CSMD3: variants seen among roughly 807,000 people sequenced by gnomAD.
CSMD3 encodes CUB and sushi domain-containing protein 3.
A neutral mutation model predicts 435.2 loss-of-function variants in CSMD3; 177 were observed. That is an observed-to-expected ratio of 0.41 (90% CI 0.36 to 0.46). The LOEUF (loss-of-function observed/expected upper bound fraction) is 0.46. Ranked by LOEUF, CSMD3 falls within the 20% of genes least tolerant of loss-of-function variation. The pLI is 0.34. For missense variants in CSMD3, 4,265 were observed against 4,504.6 expected, an observed-to-expected ratio of 0.95 and a Z score of 1.52; for synonymous variants, 1,656 against 1,520.5, an observed-to-expected ratio of 1.09 and a Z score of -2.07.
intron 13 of CSMD3, among the ~76,000 whole-genome samples, chr8:112,722,370 G>A (rs2076877375): frequency 1.3e-5 from 2 of 152,086 alleles, no homozygotes; most frequent in African/African-American, 4.8e-5. Context: ...AGATAACATT[G>A]GTGATTGAAT....
chr8:112,620,925 A>T (rs1249182466), intron 22 of CSMD3, among the ~76,000 whole-genome samples: 2 of 152,186 alleles, frequency 1.3e-5, no homozygotes, highest in Non-Finnish European at 2.9e-5. Context: ...CAAATGTTAC[A>T]GAAAATGTAA....
At chr8:112,935,227 G>A (rs1167984784) in intron 9 of CSMD3, among the ~76,000 whole-genome samples, 1 of 151,918 alleles carries the variant, frequency 6.6e-6, no homozygotes, top group African/African-American at 2.4e-5. Context: ...AGTTTTTGCT[G>A]GCTTCTCTAT....
intron 21 of CSMD3, among the ~76,000 whole-genome samples, chr8:112,638,298 G>C (rs1425612801): frequency 6.7e-6 from 1 of 149,640 alleles, no homozygotes; most frequent in East Asian, 1.9e-4. Context: ...CATAAAACAA[G>C]GAAATCACTG....
chr8:113,399,108 C>T (rs867045630), intron 1 of CSMD3, among the ~76,000 whole-genome samples: 235 of 63,466 alleles, frequency 3.7e-3, no homozygotes, highest in Non-Finnish European at 5.1e-3. Context: ...TATATATATA[C>T]ACACACACAC....
At chr8:112,843,308 A>C (rs2080231756) in intron 11 of CSMD3, among the ~76,000 whole-genome samples, 1 of 151,864 alleles carries the variant, frequency 6.6e-6, no homozygotes, top group Non-Finnish European at 1.5e-5. Context: ...AGATGCTCAT[A>C]AAAGAGGCAG....
intron 65 of CSMD3, among the ~76,000 whole-genome samples, chr8:112,242,951 A>G (rs911646922): frequency 2.6e-5 from 4 of 152,240 alleles, no homozygotes; most frequent in African/African-American, 9.6e-5. Context: ...TTAGAAAATC[A>G]TAAGTAGAAA....
chr8:112,585,300 A>T (rs895448667), intron 23 of CSMD3, among the ~76,000 whole-genome samples: 1 of 151,624 alleles, frequency 6.6e-6, no homozygotes, highest in Non-Finnish European at 1.5e-5. Context: ...ATATTCTTGG[A>T]AAATTACAGA....
At chr8:112,811,949 G>A (rs1261379643) in intron 12 of CSMD3, among the ~76,000 whole-genome samples, 1 of 152,164 alleles carries the variant, frequency 6.6e-6, no homozygotes, top group East Asian at 1.9e-4. Context: ...AAAGGATGCT[G>A]TGGGCTACAG....
At chr8:112,348,625 G>A (rs567442431) in intron 40 of CSMD3, among the ~76,000 whole-genome samples, 5 of 152,124 alleles carry the variant, frequency 3.3e-5, no homozygotes, top group East Asian at 1.9e-4. Context: ...GGTCAGGTGC[G>A]GTGGTTCATG....
intron 1 of CSMD3, among the ~76,000 whole-genome samples, chr8:113,326,806 C>A (rs189760279): frequency 6.6e-6 from 1 of 151,974 alleles, no homozygotes; most frequent in East Asian, 1.9e-4. Flanking sequence ...AGTTTATAAC[C>A]CATTCCAAAT....
intron 22 of CSMD3, among the ~76,000 whole-genome samples, chr8:112,629,222 G>A (rs189971499): frequency 1.0e-3 from 143 of 142,800 alleles, no homozygotes; most frequent in African/African-American, 3.7e-3. Context: ...TTTTTTTAGA[G>A]ACAGCATCTT....
chr8:113,247,646 A>G (rs1235634002), intron 3 of CSMD3, among the ~76,000 whole-genome samples: 2 of 152,120 alleles, frequency 1.3e-5, no homozygotes, highest in African/African-American at 4.8e-5. Context: ...TGTAAGTACC[A>G]TTTATTCATA....
chr8:112,962,603 C>T (rs950653899), intron 7 of CSMD3, among the ~76,000 whole-genome samples: 1 of 151,824 alleles, frequency 6.6e-6, no homozygotes, highest in African/African-American at 2.4e-5. Context: ...TCCATCATCC[C>T]TGTGATTTCA....
chr8:112,679,410 C>G (rs2075838395), intron 16 of CSMD3, among the ~76,000 whole-genome samples: 1 of 152,072 alleles, frequency 6.6e-6, no homozygotes, highest in African/African-American at 2.4e-5. Flanking sequence ...TTCCACCTTG[C>G]TATTGGGTCC....
chr8:112,974,865 A>G lies in CSMD3; in HGVS notation c.1342+972T>C, dbSNP rs1192351941. On this transcript the variant is annotated intron_variant, in intron 7 of 70. Transcript: ENST00000297405. ...ACTTATACAGACCATTACTTAAATC[A>G]TGGTCTGTATAAACCATGCCTAATC... Among the ~76,000 whole-genome samples the G allele has an allele frequency of 2.0e-5, 3 of 151,834 alleles. No individual in the cohort carries two copies. The South Asian group carries it at 6.2e-4, about 31-fold the overall frequency.
intron 13 of CSMD3, among the ~76,000 whole-genome samples, chr8:112,711,173 A>C (rs2131919492): frequency 6.6e-6 from 1 of 152,286 alleles, no homozygotes; most frequent in African/African-American, 2.4e-5. Context: ...AGATCATCTT[A>C]ATTAAGTAAA....
chr8:112,413,224 C>G (rs1385212467), intron 32 of CSMD3, among the ~76,000 whole-genome samples: 1 of 152,116 alleles, frequency 6.6e-6, no homozygotes, highest in Non-Finnish European at 1.5e-5. Flanking sequence ...CAGAATGAGA[C>G]AAGGCAGTGT....
At chr8:112,311,275 T>A (rs1821957302) in intron 49 of CSMD3, 109 bp from the exon 50 acceptor site, 1 of 843,336 alleles carries the variant, frequency 1.2e-6, no homozygotes, top group Admixed American at 2.0e-5. Flanking sequence ...TCAGTGGTCA[T>A]CTATGTAAAT....
intron 4 of CSMD3, among the ~76,000 whole-genome samples, chr8:113,162,699 A>G (rs185594595): frequency 4.0e-5 from 6 of 151,774 alleles, no homozygotes; most frequent in Non-Finnish European, 2.9e-5. Flanking sequence ...TTTCCCATTT[A>G]TATAATGGGG....
Sources: allele counts gnomAD v4.1 joint callset (sites outside exome capture counted in the v4.1 genomes callset), GRCh38; gene constraint gnomAD v4.1.1; transcripts MANE v1.5; gene names NCBI Gene and HGNC (gene_info 2026-07-23, HGNC 2026-07-21).